Variants in TSN observed in about 807,000 individuals in gnomAD.
The protein encoded by TSN is component 3 of promoter of RISC.
In TSN, 5 loss-of-function variants were observed where a neutral mutation model predicts 29.4. The ratio of observed to expected loss-of-function variants is 0.17; its 90% CI spans 0.09 to 0.36. The LOEUF is 0.36. Among genes scored for constraint, TSN ranks in the 10% least tolerant of loss-of-function variants. The probability of loss-of-function intolerance (pLI) is 1.00; values close to 1 mark genes in which losing one functional copy is unlikely to be tolerated. For synonymous variants in TSN, 106 were observed against 102.2 expected (o/e 1.04, Z -0.23); for missense variants, 159 against 272.8 (o/e 0.58, Z 2.94).
chr2:121,761,196 G>A (rs2074822814), intron 3 of TSN, among the ~76,000 whole-genome samples: 1 of 152,126 alleles, frequency 6.6e-6, no homozygotes, highest in South Asian at 2.1e-4. Context: ...ATCAAAATTA[G>A]ACCATATTTG....
chr2:121,758,422 C>A (rs926327014), intron 2 of TSN, among the ~76,000 whole-genome samples: 2 of 152,186 alleles, frequency 1.3e-5, no homozygotes, highest in Non-Finnish European at 2.9e-5. Flanking sequence ...ACAGGAATAG[C>A]AGCTGGTGTG....
At chr2:121,763,506 C>G (rs2074861336) in intron 5 of TSN, among the ~76,000 whole-genome samples, 1 of 152,146 alleles carries the variant, frequency 6.6e-6, no homozygotes, top group South Asian at 2.1e-4. Context: ...TCTAAGCCAT[C>G]TCTCGGTCAC....
In TSN at chr2:121,767,816, G is replaced by A. The variant is rs896942052; in HGVS notation, c.*2449G>A. On this transcript the variant is annotated 3_prime_UTR_variant, in exon 6 of 6. Coordinates refer to ENST00000389682, the MANE Select transcript of TSN (RefSeq NM_004622.3). ...GGCATAGTTTCATAATTGTGTACTCGGAAATTAAAGTTTGCTTGTTTCTTG... is the reference window on the plus strand; with the variant it reads ...GGCATAGTTTCATAATTGTGTACTCAGAAATTAAAGTTTGCTTGTTTCTTG... The A allele has an allele frequency of 3.3e-5, 5 of 152,046 alleles. No homozygotes were observed. The South Asian group carries it at 6.2e-4, about 19-fold the overall frequency. 9.4% of individuals were successfully genotyped at this position (152,046 alleles called of 1,614,324 possible).
At chr2:121,759,024 T>C (rs1051870165) in intron 3 of TSN, among the ~76,000 whole-genome samples, 52 of 152,148 alleles carry the variant, frequency 3.4e-4, no homozygotes, top group African/African-American at 1.2e-3. Context: ...ACTTTTGCAG[T>C]GAAAAAGCAA....
Position 121,755,853 on chromosome 2 carries a change from C to T in TSN, c.66+8C>T, listed in dbSNP as rs1457887142. 5 of 1,613,870 alleles carry T rather than the reference C, an allele frequency of 3.1e-6. No homozygotes were observed. Among genetic ancestry groups the T allele is most frequent in the Non-Finnish European group, 3.4e-6 (4 of 1,180,008 alleles). ...GAGCAGGACATCCGAGAGGCGAGCC[C>T]CCTCCCTTCCCCATTCCCTTTGCCT... On this transcript the variant is annotated splice_region_variant and intron_variant, in intron 1 of 5. Coordinates refer to ENST00000389682, the MANE Select transcript of TSN (RefSeq NM_004622.3).
chr2:121,756,007 A>G, intron 1 of TSN, 162 bp downstream of exon 1: 1 of 1,435,374 alleles, frequency 7.0e-7, no homozygotes, highest in Non-Finnish European at 9.2e-7. Context: ...CCCGCCCAAA[A>G]TTTTGCTGCT....
Position 121,762,133 on chromosome 2 carries a change from C to T in TSN, c.373+609C>T, listed in dbSNP as rs185989414. On this transcript the variant is annotated intron_variant, in intron 4 of 5. Coordinates refer to ENST00000389682, the MANE Select transcript of TSN (RefSeq NM_004622.3). The stretch of plus-strand genomic sequence containing the variant: ...TCAGCCTCCTGAGTAGCTGGAATTA[C>T]AGGCATGCACCACCACACCCGGCTA... 2.4e-3 allele frequency among the ~76,000 whole-genome samples: 368 copies of T among 152,206 alleles called. 2 individuals are homozygous for T. The highest frequency in any genetic ancestry group is 0.017 in the Middle Eastern group (5 of 294).
At position 121,758,704 on chromosome 2, in the gene TSN, G is replaced by A; in HGVS notation, c.161-6G>A. 6.4e-7 allele frequency: 1 copy of A among 1,559,908 alleles called. No individual in the cohort carries two copies. Among genetic ancestry groups the A allele is most frequent in the Non-Finnish European group, 8.6e-7 (1 of 1,157,114 alleles). On this transcript the variant is annotated splice_polypyrimidine_tract_variant and splice_region_variant and intron_variant, in intron 2 of 5. Coordinates refer to ENST00000389682, the MANE Select transcript of TSN (RefSeq NM_004622.3). ...AGTTTTTCATTTGGTTATCTTTTGT[G>A]ACTAGTTCCAAAGAGGTGTTTGAAA...
At chr2:121,763,300 A>G (rs6739048) in intron 5 of TSN, among the ~76,000 whole-genome samples, 10,259 of 150,810 alleles carry the variant, frequency 0.068, 1,140 homozygotes, top group African/African-American at 0.23. Context: ...CCGCCACCAC[A>G]CCCGGCTAAT....
At position 121,755,658 on chromosome 2, in the gene TSN, G is replaced by A; in HGVS notation, c.-122G>A. The A allele has an allele frequency of 7.4e-7, 1 of 1,353,226 alleles. No homozygotes were observed. The highest frequency in any genetic ancestry group is 1.0e-6 in the Non-Finnish European group (1 of 969,960). The allele number at this position is 1,353,226 out of a possible 1,614,324, so 83.8% of individuals were successfully genotyped here. A position where few individuals can be genotyped will look rare whatever the true frequency, so the allele number is the denominator to read the frequency against. ...TCGGAGGACCCTAGCGACGGTCGTGGCGTAAGACCGGGGGGACGCGGCGGT... is the reference window on the plus strand; with the variant it reads ...TCGGAGGACCCTAGCGACGGTCGTGACGTAAGACCGGGGGGACGCGGCGGT... On this transcript the variant is annotated 5_prime_UTR_variant, in exon 1 of 6. Transcript: ENST00000389682.
chr2:121,758,571 A>G (rs2074779995), intron 2 of TSN, 139 bp from the exon 3 acceptor site: 1 of 495,954 alleles, frequency 2.0e-6, no homozygotes, highest in African/African-American at 2.0e-5. Context: ...TTTGAAAGCC[A>G]GGTTGAAAAG....
intron 5 of TSN, among the ~76,000 whole-genome samples, chr2:121,763,972 CTTCT>C (rs1330871758): frequency 2.0e-5 from 3 of 152,212 alleles, no homozygotes; most frequent in Non-Finnish European, 2.9e-5. Flanking sequence ...CTAGCTTCAG[CTTCT>C]TTCTTATGTT....
intron 5 of TSN, 25 bp from the exon 6 acceptor site, chr2:121,765,109 C>A (rs751100748): frequency 8.0e-5 from 129 of 1,607,974 alleles, no homozygotes; most frequent in Admixed American, 4.0e-4. Context: ...TGTAACAAGC[C>A]CCTGTTTTCT....
chr2:121,761,485 A>G lies in TSN; in HGVS notation c.334A>G (p.Thr112Ala). 1.2e-6 allele frequency: 2 copies of G among 1,614,174 alleles called. No individual in the cohort carries two copies. Among genetic ancestry groups the G allele is most frequent in the Non-Finnish European group, 1.7e-6 (2 of 1,180,020 alleles). Residue 112 changes from threonine to alanine, a missense_variant, in exon 4 of 6, where the codon ACA becomes GCA. Thr to Ala is a moderately conservative substitution (Grantham distance 58). This residue lies in a region of TSN where 85 missense variants were observed against 178.1 expected (regional missense o/e 0.48). Transcript: ENST00000389682. ...ATTTGTTGTGTATTTGGAAACAGAA[A>G]CACTAGTGACTCGAGAAGCAGTTAC... ...AAFVVYLETE[T>A]LVTREAVTEI...
chr2:121,765,560 AT>A lies in TSN; in HGVS notation c.*201del. ...AAAATATAGCCTTTACATGGACAGA[AT>A]TTTTTTTGTTGTTTCAGTGAATATG... is the stretch of plus-strand genomic sequence containing the variant. On this transcript the variant is annotated 3_prime_UTR_variant, in exon 6 of 6. Coordinates refer to ENST00000389682, the MANE Select transcript of TSN (RefSeq NM_004622.3). The A allele has an allele frequency of 5.7e-5, 34 of 592,988 alleles. No individual in the cohort carries two copies. The highest frequency in any genetic ancestry group is 8.5e-5 in the South Asian group (4 of 46,850). The allele number at this position is 592,988 out of a possible 1,614,324, so 36.7% of individuals were successfully genotyped here. A position where few individuals can be genotyped will look rare whatever the true frequency, so the allele number is the denominator to read the frequency against.
rs538201067 is a variant in TSN at position 121,758,595 on chromosome 2, G to A, written c.161-115G>A. On this transcript the variant is annotated intron_variant, in intron 2 of 5. Transcript: ENST00000389682. Reference sequence around the variant, plus strand: ...CAGGTTGAAAAGCACAGATGTGTACGTTAGTTGTGAGGTTTTTTTGTTGAT... The same window carrying A: ...CAGGTTGAAAAGCACAGATGTGTACATTAGTTGTGAGGTTTTTTTGTTGAT... The A allele has an allele frequency of 1.9e-4, 127 of 657,924 alleles. 2 individuals carry two copies. The South Asian group carries it at 3.9e-3, about 20-fold the overall frequency. 40.8% of individuals were successfully genotyped at this position (657,924 alleles called of 1,614,324 possible).
chr2:121,755,706 T>A lies in TSN; in HGVS notation c.-74T>A. 4 of 1,587,486 alleles carry A rather than the reference T, an allele frequency of 2.5e-6. No individual in the cohort carries two copies. The highest frequency in any genetic ancestry group is 1.7e-6 in the Non-Finnish European group (2 of 1,165,232). ...GGTAGCGGCGGCCGTTGCGATTGAT[T>A]GCGCTGGTTGCCTGCGGCGTCCACT... On this transcript the variant is annotated 5_prime_UTR_variant, in exon 1 of 6. Coordinates refer to ENST00000389682, the MANE Select transcript of TSN (RefSeq NM_004622.3).
intron 5 of TSN, among the ~76,000 whole-genome samples, chr2:121,764,461 A>G (rs141215475): frequency 6.6e-6 from 1 of 152,188 alleles, no homozygotes; most frequent in East Asian, 1.9e-4. Context: ...AAACAAACAA[A>G]CAAAAAACCC....
chr2:121,756,311 T>A (rs1467501265), intron 1 of TSN: 15 of 252,366 alleles, frequency 5.9e-5, no homozygotes, highest in Admixed American at 2.1e-4. Context: ...ATGTTCACTT[T>A]ACCTCTTCTA....
Sources: gnomAD v4.1 joint callset for allele counts (sites outside exome capture counted in the v4.1 genomes callset) on GRCh38, gnomAD v4.1.1 for gene constraint, gnomAD v4.1.1 regional missense constraint, MANE v1.5 for transcripts, NCBI Gene and HGNC (gene_info 2026-07-23, HGNC 2026-07-21) for gene names.